The following PPP2R2B variants were observed in gnomAD, a reference collection of about 807,000 sequenced individuals.
PPP2R2B encodes serine/threonine-protein phosphatase 2A 55 kDa regulatory subunit B beta isoform.
A neutral mutation model predicts 46.0 loss-of-function variants in PPP2R2B; 5 were observed. The observed-to-expected ratio is 0.11, with a 90% CI of 0.06 to 0.23. The LOEUF is 0.23. Among genes scored for constraint, PPP2R2B ranks in the 10% least tolerant of loss-of-function variants. The pLI, the probability that PPP2R2B is intolerant of heterozygous loss-of-function variation, is 1.00. For missense variants in PPP2R2B, 367 were observed against 575.0 expected, an observed-to-expected ratio of 0.64 and a Z score of 3.70; for synonymous variants, 215 against 206.7, an observed-to-expected ratio of 1.04 and a Z score of -0.34.
intron 2 of PPP2R2B, among the ~76,000 whole-genome samples, chr5:146,778,085 C>T (rs1432258315): frequency 1.3e-5 from 2 of 152,076 alleles, no homozygotes. Context: ...AGAAACTTTC[C>T]CAAGGTTAAA....
At chr5:147,019,059 T>TTA (rs1755137898) in intron 1 of PPP2R2B, among the ~76,000 whole-genome samples, 1 of 152,226 alleles carries the variant, frequency 6.6e-6, no homozygotes, top group Non-Finnish European at 1.5e-5. Flanking sequence ...GAGAGGTCAG[T>TTA]ATTTATGACT....
chr5:146,898,935 A>G (rs1762735120), intron 1 of PPP2R2B, among the ~76,000 whole-genome samples: 1 of 141,590 alleles, frequency 7.1e-6, no homozygotes, highest in African/African-American at 2.8e-5. Flanking sequence ...ATACCATCTC[A>G]CACCAGTTAG....
intron 2 of PPP2R2B, among the ~76,000 whole-genome samples, chr5:146,861,054 CTTTT>C (rs1211197915): frequency 9.8e-6 from 1 of 101,720 alleles, no homozygotes. Flanking sequence ...TGAATTTTTT[CTTTT>C]TTTTTTTTTT....
At chr5:146,745,160 C>CAGACAG (rs1753100699) in intron 2 of PPP2R2B, among the ~76,000 whole-genome samples, 2 of 95,040 alleles carry the variant, frequency 2.1e-5, no homozygotes, top group South Asian at 8.6e-4. Context: ...CAGAGAAAGA[C>CAGACAG]AGAGAGAGAG....
At chr5:147,063,502 AT>A (rs1236726693) in intron 2 of PPP2R2B, among the ~76,000 whole-genome samples, 8 of 152,228 alleles carry the variant, frequency 5.3e-5, no homozygotes, top group African/African-American at 1.9e-4. Flanking sequence ...TGGATAAAAA[AT>A]GTTCCAATTA....
intron 7 of PPP2R2B, among the ~76,000 whole-genome samples, chr5:146,605,639 A>G (rs1461467801): frequency 6.6e-6 from 1 of 152,226 alleles, no homozygotes; most frequent in Non-Finnish European, 1.5e-5. Context: ...TGTGGCAACC[A>G]AAATGTCTCT....
intron 1 of PPP2R2B, among the ~76,000 whole-genome samples, chr5:146,907,796 T>C (rs947177229): frequency 6.6e-6 from 1 of 152,256 alleles, no homozygotes; most frequent in Non-Finnish European, 1.5e-5. Context: ...TTATTAACTA[T>C]TGGGTCCTGT....
chr5:146,948,258 A>G (rs1178014021), intron 1 of PPP2R2B, among the ~76,000 whole-genome samples: 1 of 152,068 alleles, frequency 6.6e-6, no homozygotes, highest in Non-Finnish European at 1.5e-5. Flanking sequence ...GCCTGGGTTT[A>G]AACACTGGCT....
Position 147,040,665 on chromosome 5 carries a change from C to T in PPP2R2B, c.79+15000G>A, listed in dbSNP as rs76134881. 5,225 of 421,876 alleles carry T rather than the reference C, an allele frequency of 0.012. 288 individuals carry two copies. The East Asian group carries it at 0.18, about 15-fold the overall frequency. 26.1% of individuals were successfully genotyped at this position (421,876 alleles called of 1,614,324 possible). A position where few individuals can be genotyped will look rare whatever the true frequency, so the allele number is the denominator to read the frequency against. On this transcript the variant is annotated intron_variant, in intron 1 of 8. Transcript: ENST00000336640. ...TGTGAGCAAACATGTAACATATACCCTGGCCCTGAATGACCTTGTTAGGTA... is the reference window on the plus strand; with the variant it reads ...TGTGAGCAAACATGTAACATATACCTTGGCCCTGAATGACCTTGTTAGGTA...
intron 5 of PPP2R2B, among the ~76,000 whole-genome samples, chr5:146,662,968 A>AT (rs1011208349): frequency 2.0e-5 from 3 of 152,088 alleles, no homozygotes; most frequent in Non-Finnish European, 4.4e-5. Flanking sequence ...GTAAATTAAG[A>AT]TTTTTAAAAT....
At chr5:146,655,561 C>A (rs997272171) in intron 5 of PPP2R2B, among the ~76,000 whole-genome samples, 2 of 152,178 alleles carry the variant, frequency 1.3e-5, no homozygotes, top group Admixed American at 1.3e-4. Context: ...GTTACAATCC[C>A]TATTGCACAG....
chr5:147,073,584 C>T (rs546469392), intron 2 of PPP2R2B, among the ~76,000 whole-genome samples: 3 of 152,330 alleles, frequency 2.0e-5, no homozygotes, highest in Non-Finnish European at 4.4e-5. Context: ...AGGCAGAGAA[C>T]TTGGCTGCAC....
chr5:146,878,478 A>G lies in PPP2R2B; in HGVS notation c.-125+113T>C, dbSNP rs950539021. The stretch of plus-strand genomic sequence containing the variant: ...GTTCCCCTCCTTGGCAGCCGCTCCA[A>G]AATGCAAAAAAGATCCCTCCTCCCC... On this transcript the variant is annotated intron_variant, in intron 1 of 9. Transcript: ENST00000394411. This position sits in a 1 kb window ranked among gnomAD's most constrained non-coding sequence, Gnocchi z 4.5. The G allele has an allele frequency of 5.9e-6, 8 of 1,351,316 alleles. No homozygotes were observed. The African/African-American group carries it at 7.4e-5, about 12-fold the overall frequency. The allele number at this position is 1,351,316 out of a possible 1,614,324, so 83.7% of individuals were successfully genotyped here. A position where few individuals can be genotyped will look rare whatever the true frequency, so the allele number is the denominator to read the frequency against.
At chr5:146,966,760 A>G (rs1015187902) in intron 1 of PPP2R2B, among the ~76,000 whole-genome samples, 1 of 152,138 alleles carries the variant, frequency 6.6e-6, no homozygotes, top group Admixed American at 6.5e-5. Context: ...TAAAAAATCA[A>G]TGACAATGCC....
chr5:146,846,242 G>T (rs1001320218), intron 2 of PPP2R2B, among the ~76,000 whole-genome samples: 11 of 151,976 alleles, frequency 7.2e-5, no homozygotes, highest in African/African-American at 2.7e-4. Context: ...AGCTGGGCAT[G>T]GTGGTGTGCA....
intron 6 of PPP2R2B, among the ~76,000 whole-genome samples, chr5:146,639,335 T>A (rs1775041178): frequency 6.6e-6 from 1 of 152,234 alleles, no homozygotes; most frequent in Admixed American, 6.5e-5. Flanking sequence ...TGGGTTTTTT[T>A]TTCTCAGTAT....
chr5:146,794,306 A>C (rs1756387334), intron 2 of PPP2R2B, among the ~76,000 whole-genome samples: 1 of 152,246 alleles, frequency 6.6e-6, no homozygotes, highest in Non-Finnish European at 1.5e-5. Flanking sequence ...AGTAAATAAA[A>C]TAACCTTGAA....
chr5:147,038,279 T>C lies in PPP2R2B; in HGVS notation c.79+17386A>G, dbSNP rs567099573. ...TAAGTTAAGCAACAAAATAAGTAAA[T>C]GCGTAACATGAATGGGTGATAAAAG... On this transcript the variant is annotated intron_variant, in intron 1 of 8. Transcript: ENST00000336640. Among the ~76,000 whole-genome samples the C allele has an allele frequency of 4.6e-5, 7 of 152,196 alleles. No homozygotes were observed. In the East Asian group the frequency reaches 1.2e-3, roughly 25 times the overall value.
At chr5:146,714,735 C>T (rs887989951) in intron 2 of PPP2R2B, among the ~76,000 whole-genome samples, 5 of 152,130 alleles carry the variant, frequency 3.3e-5, no homozygotes, top group African/African-American at 9.7e-5. Context: ...TTTAGTATTA[C>T]AAGAATTTCT....
Sources: gnomAD v4.1 joint callset for allele counts (sites outside exome capture counted in the v4.1 genomes callset) on GRCh38, gnomAD v4.1.1 for gene constraint, Gnocchi (gnomAD v3.1) non-coding constraint, MANE v1.5 for transcripts, NCBI Gene and HGNC (gene_info 2026-07-23, HGNC 2026-07-21) for gene names.